STPG2: variants seen among roughly 807,000 people sequenced by gnomAD.
STPG2 encodes sperm tail PG-rich repeat containing 2.
In STPG2, 56 loss-of-function variants were observed where a neutral mutation model predicts 54.2. The observed-to-expected ratio is 1.03, with a 90% confidence interval of 0.83 to 1.29. The LOEUF (loss-of-function observed/expected upper bound fraction) is 1.29. Among genes scored for constraint, STPG2 ranks in the 50% most tolerant of loss-of-function variants. The pLI is 0.00. For missense variants in STPG2, 596 were observed against 544.9 expected (o/e 1.09, Z -0.93); for synonymous variants, 200 against 181.8 (o/e 1.10, Z -0.81).
At chr4:98,054,013 C>T (rs534768933) in intron 5 of STPG2, among the ~76,000 whole-genome samples, 22 of 152,184 alleles carry the variant, frequency 1.4e-4, no homozygotes, top group African/African-American at 5.1e-4. Flanking sequence ...TATCCTGAAG[C>T]CTCTAACTTC....
At chr4:98,056,014 A>G (rs1300824911) in intron 5 of STPG2, among the ~76,000 whole-genome samples, 1 of 152,080 alleles carries the variant, frequency 6.6e-6, no homozygotes, top group Non-Finnish European at 1.5e-5. Flanking sequence ...CCCAGAGCCC[A>G]TGGCAACTCC....
intron 4 of STPG2, among the ~76,000 whole-genome samples, chr4:97,443,326 A>G (rs946614008): frequency 2.6e-5 from 4 of 152,212 alleles, no homozygotes; most frequent in Non-Finnish European, 4.4e-5. Flanking sequence ...ATAAGGCAGG[A>G]TGTCAAGAAA....
intron 5 of STPG2, among the ~76,000 whole-genome samples, chr4:98,016,070 T>C (rs1283476851): frequency 1.3e-5 from 2 of 152,000 alleles, no homozygotes; most frequent in African/African-American, 4.8e-5. Context: ...GGTGGAAGGC[T>C]AGGGGAGGGA....
At chr4:98,129,245 T>G (rs1050747353) in intron 2 of STPG2, among the ~76,000 whole-genome samples, 4 of 152,220 alleles carry the variant, frequency 2.6e-5, no homozygotes, top group Non-Finnish European at 5.9e-5. Flanking sequence ...CAGGCAATCC[T>G]ATTCACATCA....
In STPG2 at chr4:97,558,931, C is replaced by A; in HGVS notation, c.*127G>T. 1.3e-6 allele frequency: 1 copy of A among 758,572 alleles called. No individual in the cohort carries two copies. Among genetic ancestry groups the A allele is most frequent in the Non-Finnish European group, 2.2e-6 (1 of 447,266 alleles). The allele number at this position is 758,572 out of a possible 1,614,324, so 47.0% of individuals were successfully genotyped here. On this transcript the variant is annotated 3_prime_UTR_variant, in exon 11 of 11. Transcript: ENST00000295268. The stretch of plus-strand genomic sequence containing the variant: ...TGTCATATAGTCACTAAAGCCTGAG[C>A]GAATGCCTGAACAAGTGAAAATTAT...
chr4:97,758,479 G>A (rs910604539), intron 9 of STPG2, among the ~76,000 whole-genome samples: 1 of 152,146 alleles, frequency 6.6e-6, no homozygotes, highest in Non-Finnish European at 1.5e-5. Flanking sequence ...GCAGGGACAT[G>A]GATGAAGCTG....
At chr4:97,749,568 TA>T (rs1488312425) in intron 9 of STPG2, among the ~76,000 whole-genome samples, 3 of 151,654 alleles carry the variant, frequency 2.0e-5, no homozygotes, top group Non-Finnish European at 4.4e-5. Context: ...TAGGCCAAAG[TA>T]AAAAAATATT....
chr4:97,599,594 C>T (rs185650730), intron 10 of STPG2, among the ~76,000 whole-genome samples: 296 of 151,988 alleles, frequency 1.9e-3, no homozygotes, highest in African/African-American at 6.7e-3. Context: ...GAGGCCGAGG[C>T]GGGCAGATCA....
At chr4:97,905,241 G>T (rs1182890054) in intron 8 of STPG2, among the ~76,000 whole-genome samples, 1 of 152,138 alleles carries the variant, frequency 6.6e-6, no homozygotes. Flanking sequence ...AAGCCCATCA[G>T]ACTAACAGCG....
chr4:97,901,745 G>A (rs1731184750), intron 8 of STPG2, among the ~76,000 whole-genome samples: 1 of 151,660 alleles, frequency 6.6e-6, no homozygotes, highest in Non-Finnish European at 1.5e-5. Flanking sequence ...ATTACTGAAA[G>A]TAATATACAG....
chr4:97,601,921 T>A (rs1733472656), intron 10 of STPG2, among the ~76,000 whole-genome samples: 1 of 151,902 alleles, frequency 6.6e-6, no homozygotes, highest in Admixed American at 6.6e-5. Flanking sequence ...ACATGGCACA[T>A]TTTTCCATTT....
chr4:97,840,926 G>C lies in STPG2; in HGVS notation c.1051C>G (p.Pro351Ala). ...RTMKVPDMVI[P>A]APGSYDVHKS... ...TGAACATCATAGCTGCCTGGCGCTG[G>C]AATAACCTGAAAAAAAATTTAATAG... is the stretch of plus-strand genomic sequence containing the variant. Residue 351 changes from proline (P) to alanine (A), a missense_variant, in exon 9 of 11, where the codon CCA becomes GCA. Pro to Ala is a conservative substitution (Grantham distance 27). Coordinates refer to ENST00000295268, the MANE Select transcript of STPG2 (RefSeq NM_174952.3). The C allele has an allele frequency of 6.2e-7, 1 of 1,608,330 alleles. No individual in the cohort carries two copies. Among genetic ancestry groups the C allele is most frequent in the Non-Finnish European group, 8.5e-7 (1 of 1,177,208 alleles).
At chr4:97,937,033 AT>A (rs1339084152) in intron 8 of STPG2, among the ~76,000 whole-genome samples, 2 of 151,242 alleles carry the variant, frequency 1.3e-5, no homozygotes, top group Non-Finnish European at 3.0e-5. Context: ...TAGGTTCAGT[AT>A]TTTTTCATAG....
At chr4:97,537,936 T>C (rs1337626762) in intron 4 of STPG2, among the ~76,000 whole-genome samples, 1 of 152,140 alleles carries the variant, frequency 6.6e-6, no homozygotes, top group Non-Finnish European at 1.5e-5. Context: ...GCAAACAGGG[T>C]CTGGAGTGGA....
At chr4:97,636,148 A>T (rs1241068643) in intron 10 of STPG2, among the ~76,000 whole-genome samples, 2 of 149,828 alleles carry the variant, frequency 1.3e-5, no homozygotes, top group Non-Finnish European at 3.0e-5. Flanking sequence ...TATCTCTCAG[A>T]CCACAGTGCA....
At chr4:98,012,633 T>C (rs1165835413) in intron 5 of STPG2, among the ~76,000 whole-genome samples, 10 of 152,318 alleles carry the variant, frequency 6.6e-5, no homozygotes, top group Admixed American at 1.3e-4. Flanking sequence ...CCTTGAGTGA[T>C]GGTTTGTAGT....
At chr4:97,451,306 G>A (rs536927329) in intron 4 of STPG2, among the ~76,000 whole-genome samples, 62 of 152,136 alleles carry the variant, frequency 4.1e-4, no homozygotes, top group African/African-American at 1.5e-3. Flanking sequence ...ATTATATTAA[G>A]AGAAATGGAT....
intron 10 of STPG2, among the ~76,000 whole-genome samples, chr4:97,695,326 C>A (rs1043285374): frequency 1.3e-5 from 2 of 152,018 alleles, no homozygotes; most frequent in Non-Finnish European, 2.9e-5. Context: ...GCAAAATCAG[C>A]ATAGAAGGAA....
chr4:97,928,756 T>G (rs907716365), intron 8 of STPG2, among the ~76,000 whole-genome samples: 3 of 152,322 alleles, frequency 2.0e-5, no homozygotes, highest in East Asian at 3.9e-4. Context: ...AAATGAGAAA[T>G]ATGGAACATA....
Sources: allele counts gnomAD v4.1 joint callset (sites outside exome capture counted in the v4.1 genomes callset), GRCh38; gene constraint gnomAD v4.1.1; transcripts MANE v1.5; gene names NCBI Gene and HGNC (gene_info 2026-07-23, HGNC 2026-07-21).